The following MCCC1 variants were observed in gnomAD, a reference collection of about 807,000 sequenced individuals.
MCCC1 encodes methylcrotonoyl-CoA carboxylase subunit alpha, mitochondrial.
Under a neutral mutation model 83.8 loss-of-function variants are expected in MCCC1, and 64 were observed. The ratio of observed to expected loss-of-function variants is 0.76; its 90% CI spans 0.62 to 0.94. MCCC1 has a LOEUF of 0.94. Ranked by LOEUF, MCCC1 falls within the 40% of genes least tolerant of loss-of-function variation. The pLI is 0.00. For missense variants in MCCC1, 807 were observed against 904.7 expected, an observed-to-expected ratio of 0.89 and a Z score of 1.39; for synonymous variants, 322 against 315.4, an observed-to-expected ratio of 1.02 and a Z score of -0.22.
At chr3:183,048,020 T>C (rs2872702) in intron 9 of MCCC1, among the ~76,000 whole-genome samples, 3,341 of 152,322 alleles carry the variant, frequency 0.022, 124 homozygotes, top group African/African-American at 0.077. Flanking sequence ...TGCATTGTAC[T>C]ATGATGTTAC....
intron 15 of MCCC1, among the ~76,000 whole-genome samples, chr3:183,024,899 T>C (rs955540077): frequency 6.6e-6 from 1 of 151,752 alleles, no homozygotes; most frequent in African/African-American, 2.4e-5. Flanking sequence ...CGAATGTTCA[T>C]TAATGGCTGA....
upstream of MCCC1, among the ~76,000 whole-genome samples, chr3:183,100,024 TAG>T: frequency 6.6e-6 from 1 of 152,240 alleles, no homozygotes; most frequent in South Asian, 2.1e-4. Context: ...ACACTACATG[TAG>T]ATGCTTCATG....
chr3:183,028,536 T>C (rs1444645062), intron 14 of MCCC1, among the ~76,000 whole-genome samples: 10 of 152,232 alleles, frequency 6.6e-5, no homozygotes, highest in Non-Finnish European at 2.9e-5. Context: ...TTGAAAACCT[T>C]CTACATGCCA....
intron 16 of MCCC1, among the ~76,000 whole-genome samples, chr3:183,021,399 AT>A (rs1159049500): frequency 6.6e-6 from 1 of 152,094 alleles, no homozygotes; most frequent in Non-Finnish European, 1.5e-5. Context: ...AATGTTTAAA[AT>A]TTTTTGTAGA....
intron 3 of MCCC1, among the ~76,000 whole-genome samples, chr3:183,089,003 T>A (rs569735510): frequency 6.6e-6 from 1 of 152,230 alleles, no homozygotes; most frequent in East Asian, 1.9e-4. Context: ...TGAGCACGTC[T>A]GTGGGACAGA....
upstream of MCCC1, among the ~76,000 whole-genome samples, chr3:183,104,094 CCG>C (rs1412096163): frequency 1.3e-5 from 2 of 152,208 alleles, no homozygotes; most frequent in African/African-American, 2.4e-5. Context: ...CCCGCAAGCG[CCG>C]CGCGCAGCCC....
At chr3:183,038,396 T>C (rs1235538977) in intron 12 of MCCC1, among the ~76,000 whole-genome samples, 2 of 152,008 alleles carry the variant, frequency 1.3e-5, no homozygotes, top group Non-Finnish European at 2.9e-5. Flanking sequence ...GCTGAGTGAG[T>C]CTCAGAAGCG....
chr3:183,058,089 A>C (rs1715556945), intron 7 of MCCC1, among the ~76,000 whole-genome samples: 1 of 152,224 alleles, frequency 6.6e-6, no homozygotes, highest in African/African-American at 2.4e-5. Context: ...ACTGTCAAAG[A>C]AAAGACTGAC....
At chr3:183,062,796 C>A (rs533933924) in intron 7 of MCCC1, among the ~76,000 whole-genome samples, 2 of 152,268 alleles carry the variant, frequency 1.3e-5, no homozygotes, top group Admixed American at 1.3e-4. Flanking sequence ...CTTTTCTGTG[C>A]AGCTTTATCT....
intron 10 of MCCC1, among the ~76,000 whole-genome samples, chr3:183,044,275 T>C (rs920321947): frequency 6.6e-6 from 1 of 152,230 alleles, no homozygotes; most frequent in Non-Finnish European, 1.5e-5. Context: ...AAGTAAAATC[T>C]ATTGTTCTTA....
chr3:183,084,720 G>T (rs1717765404), intron 4 of MCCC1, among the ~76,000 whole-genome samples: 1 of 152,088 alleles, frequency 6.6e-6, no homozygotes, highest in South Asian at 2.1e-4. Flanking sequence ...CCAGGAGTTT[G>T]AGACCAGCCT....
chr3:183,107,888 T>C (rs1719431846), intron 1 of MCCC1, among the ~76,000 whole-genome samples: 1 of 152,196 alleles, frequency 6.6e-6, no homozygotes, highest in African/African-American at 2.4e-5. Flanking sequence ...ATGATGCTGA[T>C]ATTTTTTATG....
At chr3:183,021,003 T>C (rs944874465) in intron 16 of MCCC1, among the ~76,000 whole-genome samples, 1 of 152,060 alleles carries the variant, frequency 6.6e-6, no homozygotes, top group Non-Finnish European at 1.5e-5. Flanking sequence ...GAGCTTGCAG[T>C]GAGCCGAGAT....
At chr3:183,097,212 A>C (rs948394935) in intron 1 of MCCC1, among the ~76,000 whole-genome samples, 1 of 152,028 alleles carries the variant, frequency 6.6e-6, no homozygotes, top group African/African-American at 2.4e-5. Context: ...TGCAGTCCGC[A>C]GTCCGGCCTG....
At chr3:183,059,987 C>A (rs1715704239) in intron 7 of MCCC1, among the ~76,000 whole-genome samples, 1 of 151,756 alleles carries the variant, frequency 6.6e-6, no homozygotes, top group African/African-American at 2.4e-5. Flanking sequence ...TCTTGGTGTC[C>A]TCTGAGTTTC....
intron 12 of MCCC1, 26 bp downstream of exon 12, chr3:183,038,999 TC>T (rs1341276899): frequency 6.2e-7 from 1 of 1,600,964 alleles, no homozygotes; most frequent in Non-Finnish European, 8.6e-7. Context: ...CACATCAAGG[TC>T]ACTGGCACGG....
chr3:183,035,518 T>TA (rs1157028207), intron 13 of MCCC1, among the ~76,000 whole-genome samples: 1 of 151,674 alleles, frequency 6.6e-6, no homozygotes, highest in East Asian at 1.9e-4. Context: ...TTTTTTTTTT[T>TA]TTTGGATTTT....
chr3:183,095,775 C>G (rs141295979), intron 1 of MCCC1, among the ~76,000 whole-genome samples: 150 of 152,238 alleles, frequency 9.9e-4, no homozygotes, highest in African/African-American at 3.5e-3. Context: ...AGTGTTCTCA[C>G]ACACGAGATG....
At chr3:183,079,685 T>C (rs1046767420) in intron 4 of MCCC1, among the ~76,000 whole-genome samples, 1 of 152,214 alleles carries the variant, frequency 6.6e-6, no homozygotes, top group Non-Finnish European at 1.5e-5. Context: ...CACTAGGCAG[T>C]ACCCCAATAG....
Sources: allele counts gnomAD v4.1 joint callset (sites outside exome capture counted in the v4.1 genomes callset), GRCh38; gene constraint gnomAD v4.1.1; transcripts MANE v1.5; gene names NCBI Gene and HGNC (gene_info 2026-07-23, HGNC 2026-07-21).